RAPGEF4: variants seen among roughly 807,000 people sequenced by gnomAD.
RAPGEF4 encodes Rap guanine nucleotide exchange factor 4.
Under a neutral mutation model 147.9 loss-of-function variants are expected in RAPGEF4, and 66 were observed. The observed-to-expected ratio is 0.45, with a 90% CI of 0.37 to 0.55. The LOEUF is 0.55. RAPGEF4 is among the 20% of genes least tolerant of loss of function. The probability of loss-of-function intolerance (pLI) is 0.00; values close to 1 mark genes in which losing one functional copy is unlikely to be tolerated. For missense variants in RAPGEF4, 1,071 were observed against 1,257.3 expected (o/e 0.85, Z 2.24); for synonymous variants, 419 against 442.7 (o/e 0.95, Z 0.67).
intron 23 of RAPGEF4, among the ~76,000 whole-genome samples, chr2:173,023,495 C>T (rs1696318438): frequency 6.6e-6 from 1 of 152,190 alleles, no homozygotes; most frequent in African/African-American, 2.4e-5. Context: ...TTATATTCCC[C>T]ACTTCTAAGG....
At chr2:172,777,280 G>T (rs1009392984) in intron 1 of RAPGEF4, among the ~76,000 whole-genome samples, 8 of 151,568 alleles carry the variant, frequency 5.3e-5, no homozygotes, top group African/African-American at 9.7e-5. Flanking sequence ...GGTATAAACA[G>T]TATATTTATT....
At chr2:172,964,016 C>T (rs1295554717) in intron 8 of RAPGEF4, among the ~76,000 whole-genome samples, 3 of 152,134 alleles carry the variant, frequency 2.0e-5, no homozygotes, top group Non-Finnish European at 2.9e-5. Flanking sequence ...GGGATCATCT[C>T]GAGTCTGTGT....
chr2:172,897,632 C>A (rs953350516), intron 4 of RAPGEF4, among the ~76,000 whole-genome samples: 8 of 151,852 alleles, frequency 5.3e-5, no homozygotes, highest in African/African-American at 1.9e-4. Context: ...GAACTCCTGG[C>A]CTCAAAGGAT....
intron 5 of RAPGEF4, 24 bp from the exon 6 acceptor site, chr2:172,922,257 C>G (rs1484006420): frequency 1.2e-6 from 2 of 1,605,356 alleles, no homozygotes; most frequent in Admixed American, 3.3e-5. Context: ...CATGGCCTCT[C>G]TCTGTCTCTT....
chr2:172,860,763 A>G (rs149909637), intron 4 of RAPGEF4, among the ~76,000 whole-genome samples: 1 of 152,106 alleles, frequency 6.6e-6, no homozygotes, highest in Non-Finnish European at 1.5e-5. Context: ...GAAACGCATT[A>G]TATTTTATGA....
chr2:172,851,900 C>T (rs752203867), intron 4 of RAPGEF4, among the ~76,000 whole-genome samples: 10 of 152,012 alleles, frequency 6.6e-5, no homozygotes, highest in Non-Finnish European at 1.5e-4. Flanking sequence ...ATCAAACTCC[C>T]GAGACTTGCA....
At position 173,031,139 on chromosome 2, in the gene RAPGEF4, A is replaced by G. The variant is rs775740471; in HGVS notation, c.2649+885A>G. 6.5e-4 allele frequency among the ~76,000 whole-genome samples: 99 copies of G among 152,250 alleles called. 1 individual carries two copies. The highest frequency in any genetic ancestry group is 1.4e-3 in the Non-Finnish European group (96 of 68,008). ...CTTTTCTGAAATTATTTTCTTCCCC[A>G]TGTCCTTCTTGCAATGATTTTCTTT... is the stretch of plus-strand genomic sequence containing the variant. On this transcript the variant is annotated intron_variant, in intron 26 of 30. Coordinates refer to ENST00000397081, the MANE Select transcript of RAPGEF4 (RefSeq NM_007023.4).
intron 16 of RAPGEF4, among the ~76,000 whole-genome samples, chr2:172,999,205 A>C (rs375583321): frequency 6.6e-6 from 1 of 152,244 alleles, no homozygotes; most frequent in Non-Finnish European, 1.5e-5. Context: ...GGCTAACATC[A>C]TAATTTAATA....
At chr2:172,787,658 C>T (rs1249679636) in intron 1 of RAPGEF4, among the ~76,000 whole-genome samples, 1 of 149,388 alleles carries the variant, frequency 6.7e-6, no homozygotes, top group African/African-American at 2.5e-5. Context: ...TTCACTTTGT[C>T]ACCCAGGTTG....
At chr2:173,047,755 C>CA (rs1685670458) in intron 29 of RAPGEF4, among the ~76,000 whole-genome samples, 1 of 151,888 alleles carries the variant, frequency 6.6e-6, no homozygotes, top group African/African-American at 2.4e-5. Flanking sequence ...CGGCTCACTG[C>CA]AAGCTCCACC....
intron 4 of RAPGEF4, among the ~76,000 whole-genome samples, chr2:172,887,915 T>C (rs1697430584): frequency 6.6e-6 from 1 of 152,200 alleles, no homozygotes; most frequent in Non-Finnish European, 1.5e-5. Context: ...TTTTTCCTCT[T>C]CTAGGCTCCC....
intron 1 of RAPGEF4, among the ~76,000 whole-genome samples, chr2:172,791,422 A>G (rs1025213972): frequency 6.6e-6 from 1 of 152,226 alleles, no homozygotes; most frequent in African/African-American, 2.4e-5. Flanking sequence ...AGGAGGTCCC[A>G]GACATGAACT....
At chr2:172,907,096 C>T (rs1699705076) in intron 4 of RAPGEF4, among the ~76,000 whole-genome samples, 2 of 152,238 alleles carry the variant, frequency 1.3e-5, no homozygotes, top group Non-Finnish European at 2.9e-5. Context: ...GCTCTGCCAG[C>T]CTTCCAGCCA....
chr2:172,875,576 C>T (rs957310398), intron 4 of RAPGEF4, among the ~76,000 whole-genome samples: 4 of 152,070 alleles, frequency 2.6e-5, no homozygotes, highest in African/African-American at 7.2e-5. Context: ...GGTATTATTT[C>T]GGAGGGCTCT....
intron 4 of RAPGEF4, among the ~76,000 whole-genome samples, chr2:172,871,698 G>T (rs987732208): frequency 6.8e-6 from 1 of 146,806 alleles, no homozygotes; most frequent in Non-Finnish European, 1.5e-5. Context: ...CAGCATTATC[G>T]AAATAAGCAA....
chr2:172,979,897 A>G (rs959025299), intron 10 of RAPGEF4, among the ~76,000 whole-genome samples: 2 of 152,182 alleles, frequency 1.3e-5, no homozygotes, highest in African/African-American at 4.8e-5. Context: ...ATGTGGCTGT[A>G]ATCCCAGCTA....
At position 172,851,613 on chromosome 2, in the gene RAPGEF4, C is replaced by T. The variant is rs576361500; in HGVS notation, c.444+37188C>T. Among the ~76,000 whole-genome samples the T allele has an allele frequency of 1.3e-5, 2 of 152,168 alleles. 1 individual carries two copies. The highest frequency in any genetic ancestry group is 4.8e-5 in the African/African-American group (2 of 41,518). On this transcript the variant is annotated intron_variant, in intron 4 of 30. Coordinates refer to ENST00000397081, the MANE Select transcript of RAPGEF4 (RefSeq NM_007023.4). ...TATACACCATGGAATACTACACAGC[C>T]ATAAAAAAGAATGAGATAGTGTTCT...
intron 2 of RAPGEF4, among the ~76,000 whole-genome samples, chr2:172,797,155 C>T (rs897929048): frequency 6.6e-6 from 1 of 152,126 alleles, no homozygotes; most frequent in East Asian, 1.9e-4. Context: ...TCATTGGTCA[C>T]CTTAAAAGGA....
intron 23 of RAPGEF4, among the ~76,000 whole-genome samples, chr2:173,021,659 A>C (rs1213980076): frequency 1.3e-5 from 2 of 152,206 alleles, no homozygotes; most frequent in Non-Finnish European, 2.9e-5. Flanking sequence ...TTAGGGAGAG[A>C]GTTTACATAA....
Sources: gnomAD v4.1 joint callset for allele counts (sites outside exome capture counted in the v4.1 genomes callset) on GRCh38, gnomAD v4.1.1 for gene constraint, MANE v1.5 for transcripts, NCBI Gene and HGNC (gene_info 2026-07-23, HGNC 2026-07-21) for gene names.